Variants in GLDC observed in about 807,000 individuals in gnomAD.
The protein encoded by GLDC is glycine dehydrogenase (decarboxylating), mitochondrial.
GLDC carries 104 observed loss-of-function variants against 121.3 expected under a neutral mutation model. The observed-to-expected ratio is 0.86, with a 90% confidence interval of 0.73 to 1.01. GLDC has a LOEUF of 1.01. Ranked by LOEUF, GLDC falls within the 50% of genes least tolerant of loss-of-function variation. The pLI is 0.00. For missense variants in GLDC, 1,429 were observed against 1,306.6 expected, an observed-to-expected ratio of 1.09 and a Z score of -1.44; for synonymous variants, 546 against 480.6, an observed-to-expected ratio of 1.14 and a Z score of -1.78.
At position 6,592,213 on chromosome 9, in the gene GLDC, G is replaced by A; in HGVS notation, c.1412C>T (p.Ser471Phe). The A allele has an allele frequency of 1.3e-6, 2 of 1,596,558 alleles. No individual in the cohort carries two copies. ...TTTTTCATTGACTGTTTCATCAAGA[G>A]AAATACCAAGCTACAGAAACACAAA... ...RLFEDGTLGISLDETVNEKDL... is the reference protein window; with the variant it reads ...RLFEDGTLGIFLDETVNEKDL... The change falls in exon 11 of 25, where the codon TCT (serine) becomes TTT (phenylalanine). Residue 471 changes from serine to phenylalanine, a missense_variant. Coordinates refer to ENST00000321612, the MANE Select transcript of GLDC (RefSeq NM_000170.3).
chr9:6,623,306 A>C (rs1255439933), intron 2 of GLDC, among the ~76,000 whole-genome samples: 2 of 138,706 alleles, frequency 1.4e-5, no homozygotes, highest in African/African-American at 2.8e-5. Context: ...CTGTTGATCT[A>C]TGACCTTACC....
At chr9:6,569,578 G>A (rs990902267) in intron 15 of GLDC, among the ~76,000 whole-genome samples, 2 of 152,096 alleles carry the variant, frequency 1.3e-5, no homozygotes, top group Non-Finnish European at 2.9e-5. Context: ...CTTGAACCCG[G>A]GAGGCGGAGG....
chr9:6,625,210 G>C (rs1456389768), intron 2 of GLDC, among the ~76,000 whole-genome samples: 1 of 152,068 alleles, frequency 6.6e-6, no homozygotes, highest in Non-Finnish European at 1.5e-5. Context: ...ATCCCTCAGT[G>C]ACCCGGCCGG....
Position 6,558,295 on chromosome 9 carries a change from A to C in GLDC, c.2052+264T>G, listed in dbSNP as rs1817677983. The C allele has an allele frequency of 1.0e-5, 6 of 602,158 alleles. No homozygotes were observed. In the East Asian group the frequency reaches 1.4e-4, roughly 14 times the overall value. 37.3% of individuals were successfully genotyped at this position (602,158 alleles called of 1,614,324 possible). A position where few individuals can be genotyped will look rare whatever the true frequency, so the allele number is the denominator to read the frequency against. On this transcript the variant is annotated intron_variant, in intron 17 of 24. Transcript: ENST00000321612. ...GCGAGAAGGAGAGGGAAGATTGGGC[A>C]GAAAGAGGCAGGCAGGTTCTGCAAG...
intron 8 of GLDC, among the ~76,000 whole-genome samples, chr9:6,595,919 C>T (rs1587953641): frequency 6.6e-6 from 1 of 151,908 alleles, no homozygotes; most frequent in East Asian, 1.9e-4. Flanking sequence ...TCTATGGAGC[C>T]AATGCAAAAT....
At chr9:6,605,722 A>G (rs959715459) in intron 5 of GLDC, 3 of 263,724 alleles carry the variant, frequency 1.1e-5, no homozygotes, top group African/African-American at 4.4e-5. Flanking sequence ...CCCCCTCTGA[A>G]GGGATGGTGG....
intron 2 of GLDC, among the ~76,000 whole-genome samples, chr9:6,643,064 A>G (rs891967024): frequency 6.6e-6 from 1 of 151,892 alleles, no homozygotes; most frequent in African/African-American, 2.4e-5. Flanking sequence ...CACCCGGCTA[A>G]TTTTTGTATT....
At chr9:6,636,356 T>A (rs1819502751) in intron 2 of GLDC, among the ~76,000 whole-genome samples, 1 of 152,038 alleles carries the variant, frequency 6.6e-6, no homozygotes, top group East Asian at 1.9e-4. Flanking sequence ...TAGGTTCAAT[T>A]GTAGCAAATG....
At chr9:6,619,455 C>T (rs1297535321) in intron 3 of GLDC, among the ~76,000 whole-genome samples, 1 of 152,088 alleles carries the variant, frequency 6.6e-6, no homozygotes, top group Non-Finnish European at 1.5e-5. Flanking sequence ...GGGCCAGGCG[C>T]AGTGGCTCAT....
chr9:6,578,858 T>A (rs1464939051), intron 15 of GLDC, among the ~76,000 whole-genome samples: 1 of 152,226 alleles, frequency 6.6e-6, no homozygotes, highest in Non-Finnish European at 1.5e-5. Context: ...GTTCTCCTTG[T>A]GATTCCTCTT....
At chr9:6,570,990 GTTCCC>G (rs1359944937) in intron 15 of GLDC, among the ~76,000 whole-genome samples, 5 of 151,302 alleles carry the variant, frequency 3.3e-5, no homozygotes, top group Non-Finnish European at 7.4e-5. Context: ...AGGTGAATTT[GTTCCC>G]TTCAACTACC....
chr9:6,629,958 T>TATATATATATATGTGTATATA, intron 2 of GLDC, among the ~76,000 whole-genome samples: 5 of 78,654 alleles, frequency 6.4e-5, no homozygotes, highest in African/African-American at 6.1e-5. Context: ...TATATATATA[T>TATATATATATATGTGTATATA]TTTTTTTTTT....
intron 2 of GLDC, among the ~76,000 whole-genome samples, chr9:6,631,553 T>C (rs1587980500): frequency 6.6e-6 from 1 of 152,202 alleles, no homozygotes; most frequent in South Asian, 2.1e-4. Context: ...TTGCAATTCA[T>C]AGTATTTATC....
intron 8 of GLDC, among the ~76,000 whole-genome samples, chr9:6,599,656 G>C (rs545128768): frequency 6.6e-6 from 1 of 151,762 alleles, no homozygotes; most frequent in African/African-American, 2.4e-5. Context: ...GGAAGGCAGA[G>C]GTTGCAGTGA....
At chr9:6,544,562 C>T (rs1055520546) in intron 21 of GLDC, among the ~76,000 whole-genome samples, 4 of 147,824 alleles carry the variant, frequency 2.7e-5, no homozygotes, top group Non-Finnish European at 5.9e-5. Flanking sequence ...TTGCTTGAGC[C>T]GGGGAGGCGG....
chr9:6,561,093 G>T (rs920255101), intron 16 of GLDC, among the ~76,000 whole-genome samples: 3 of 152,202 alleles, frequency 2.0e-5, no homozygotes, highest in South Asian at 2.1e-4. Flanking sequence ...CTTTAGCCCA[G>T]TGAAACCAAT....
intron 3 of GLDC, among the ~76,000 whole-genome samples, chr9:6,615,087 C>G (rs1818942317): frequency 6.6e-6 from 1 of 152,148 alleles, no homozygotes; most frequent in African/African-American, 2.4e-5. Flanking sequence ...GTCGCTCTAG[C>G]CAATATCTCT....
chr9:6,620,403 G>C (rs902468419), intron 2 of GLDC, 84 bp from the exon 3 acceptor site: 3 of 1,158,998 alleles, frequency 2.6e-6, no homozygotes, highest in African/African-American at 1.5e-5. Context: ...CATTTTGTTT[G>C]AGTATTTATG....
At chr9:6,565,321 T>C (rs1167761742) in intron 16 of GLDC, 33 bp downstream of exon 16, 4 of 1,496,450 alleles carry the variant, frequency 2.7e-6, no homozygotes, top group Middle Eastern at 1.7e-4. Context: ...CTGTGCCCCA[T>C]GGTGAGCAAG....
Sources: allele counts gnomAD v4.1 joint callset (sites outside exome capture counted in the v4.1 genomes callset), GRCh38; gene constraint gnomAD v4.1.1; transcripts MANE v1.5; gene names NCBI Gene and HGNC (gene_info 2026-07-23, HGNC 2026-07-21).